PCDH15: variants seen among roughly 807,000 people sequenced by gnomAD.
The protein encoded by PCDH15 is protocadherin-15.
PCDH15 carries 129 observed loss-of-function variants against 178.5 expected under a neutral mutation model. The ratio of observed to expected loss-of-function variants is 0.72; its 90% CI spans 0.63 to 0.84. The LOEUF is 0.84. Ranked by LOEUF, PCDH15 falls within the 40% of genes least tolerant of loss-of-function variation. PCDH15 has a pLI of 0.00. For synonymous variants in PCDH15, 800 were observed against 732.0 expected (o/e 1.09, Z -1.50); for missense variants, 2,230 against 2,099.9 (o/e 1.06, Z -1.21).
At chr10:54,994,640 TCAGA>T (rs1839590103) in intron 2 of PCDH15, among the ~76,000 whole-genome samples, 1 of 152,170 alleles carries the variant, frequency 6.6e-6, no homozygotes, top group Non-Finnish European at 1.5e-5. Context: ...AGTATCTTTG[TCAGA>T]CAATGTTATT....
At chr10:55,520,447 C>G (rs937992180) in intron 2 of PCDH15, among the ~76,000 whole-genome samples, 7 of 146,388 alleles carry the variant, frequency 4.8e-5, no homozygotes, top group African/African-American at 1.7e-4. Context: ...GAAAATCAGA[C>G]TAGGAAGCAA....
chr10:55,547,910 T>TGTGTGTGTGTGAGA (rs541144266), intron 2 of PCDH15, among the ~76,000 whole-genome samples: 2 of 54,508 alleles, frequency 3.7e-5, no homozygotes, highest in East Asian at 5.5e-4. Context: ...TGTGTGTGTG[T>TGTGTGTGTGTGAGA]GAGAGAGAGA....
chr10:54,554,814 C>T (rs1431743318), intron 2 of PCDH15, among the ~76,000 whole-genome samples: 1 of 152,068 alleles, frequency 6.6e-6, no homozygotes, highest in Non-Finnish European at 1.5e-5. Flanking sequence ...AAACAGAACT[C>T]CAATTCCTAA....
chr10:54,908,996 T>TA (rs1172919706), intron 2 of PCDH15, among the ~76,000 whole-genome samples: 1 of 152,112 alleles, frequency 6.6e-6, no homozygotes, highest in Non-Finnish European at 1.5e-5. Flanking sequence ...TTCTCTCTGC[T>TA]AGGCAGGTCA....
intron 2 of PCDH15, among the ~76,000 whole-genome samples, chr10:55,367,624 CA>C (rs537716010): frequency 3.3e-5 from 5 of 151,262 alleles, no homozygotes; most frequent in Non-Finnish European, 4.4e-5. Context: ...CAAAAACAAA[CA>C]AAAAAAAGAG....
At chr10:53,953,434 A>G (rs940485085) in intron 23 of PCDH15, among the ~76,000 whole-genome samples, 5 of 152,192 alleles carry the variant, frequency 3.3e-5, no homozygotes, top group Admixed American at 1.3e-4. Flanking sequence ...AGTAATTCTT[A>G]TCTACTATAA....
Position 54,849,847 on chromosome 10 carries a change from T to A in PCDH15, c.-29+47603A>T, listed in dbSNP as rs150140335. Among the ~76,000 whole-genome samples the A allele has an allele frequency of 9.4e-3, 1,428 of 152,290 alleles. 9 individuals are homozygous for A. Among genetic ancestry groups the A allele is most frequent in the Middle Eastern group, 0.044 (13 of 294 alleles). ...TTGAATCTTTAATATTTATCAAATA[T>A]TTACAATGTGGTTGAACCGATTTGT... On this transcript the variant is annotated intron_variant, in intron 3 of 5. Transcript: ENST00000458638.
intron 1 of PCDH15, among the ~76,000 whole-genome samples, chr10:54,740,657 G>A (rs1004308790): frequency 1.3e-5 from 2 of 151,910 alleles, no homozygotes; most frequent in Non-Finnish European, 2.9e-5. Context: ...TTAAGAAAAT[G>A]TAGTATATAT....
At chr10:54,874,207 G>C (rs537030066) in intron 3 of PCDH15, among the ~76,000 whole-genome samples, 1 of 124,358 alleles carries the variant, frequency 8.0e-6, no homozygotes, top group African/African-American at 3.1e-5. Flanking sequence ...CCACCTATGA[G>C]TGAGAATATG....
rs1353985930 is a variant in PCDH15, at chr10:53,945,870, T to TGA, written c.3123-4896_3123-4895insTC. 5.4e-5 allele frequency among the ~76,000 whole-genome samples: 5 copies of TGA among 91,854 alleles called. No homozygotes were observed. In the South Asian group the frequency reaches 1.9e-3, roughly 36 times the overall value. The allele number at this position is 91,854 out of a possible 152,430, so 60.3% of individuals were successfully genotyped here. On this transcript the variant is annotated intron_variant, in intron 23 of 37. Coordinates refer to ENST00000644397, the MANE Select transcript of PCDH15 (RefSeq NM_001384140.1). ...ATATATATATATATATATATATATA[T>TGA]ATATATATATATCACATTTTCTTTA... is the stretch of plus-strand genomic sequence containing the variant.
intron 30 of PCDH15, among the ~76,000 whole-genome samples, chr10:53,830,061 T>C (rs2076928347): frequency 6.6e-6 from 1 of 152,130 alleles, no homozygotes; most frequent in African/African-American, 2.4e-5. Context: ...CCCAGCACTT[T>C]GGGAGGCTGA....
At chr10:54,842,408 C>T (rs866776486) in intron 3 of PCDH15, among the ~76,000 whole-genome samples, 2 of 151,726 alleles carry the variant, frequency 1.3e-5, no homozygotes, top group Non-Finnish European at 1.5e-5. Flanking sequence ...GTGACCTGCC[C>T]GTCTGCATCC....
chr10:55,494,373 C>A (rs925839245), intron 2 of PCDH15, among the ~76,000 whole-genome samples: 1 of 151,584 alleles, frequency 6.6e-6, no homozygotes, highest in African/African-American at 2.4e-5. Context: ...TAGAATGTGT[C>A]CCCTGTAAAC....
chr10:54,672,519 C>T (rs547891300), intron 1 of PCDH15, among the ~76,000 whole-genome samples: 3 of 152,152 alleles, frequency 2.0e-5, no homozygotes, highest in Admixed American at 6.5e-5. Context: ...AAGAAGCAAA[C>T]GTATTGTAAA....
At chr10:54,609,494 G>C (rs1228862147) in intron 2 of PCDH15, among the ~76,000 whole-genome samples, 2 of 151,954 alleles carry the variant, frequency 1.3e-5, no homozygotes, top group Non-Finnish European at 2.9e-5. Flanking sequence ...TTTATGTTTT[G>C]AGAATATCTC....
chr10:54,407,891 A>G (rs927231224), intron 3 of PCDH15, among the ~76,000 whole-genome samples: 9 of 151,922 alleles, frequency 5.9e-5, no homozygotes. Context: ...CCTCGTCTCT[A>G]CTAAAAATAT....
intron 2 of PCDH15, among the ~76,000 whole-genome samples, chr10:55,485,745 A>G (rs1343524217): frequency 6.6e-6 from 1 of 151,708 alleles, no homozygotes; most frequent in Non-Finnish European, 1.5e-5. Context: ...TCCTCAAAAA[A>G]TTAAATATAG....
intron 2 of PCDH15, among the ~76,000 whole-genome samples, chr10:55,165,685 G>A (rs1191383758): frequency 2.0e-5 from 3 of 151,820 alleles, no homozygotes; most frequent in African/African-American, 4.8e-5. Context: ...CTGGAGCCAG[G>A]AGCAAGAGAT....
chr10:53,901,026 A>G (rs953255418), intron 26 of PCDH15, among the ~76,000 whole-genome samples: 10 of 152,188 alleles, frequency 6.6e-5, no homozygotes, highest in East Asian at 3.9e-4. Context: ...TCTTTTATCA[A>G]TCTTGTTCTT....
Sources: allele counts gnomAD v4.1 joint callset (sites outside exome capture counted in the v4.1 genomes callset), GRCh38; gene constraint gnomAD v4.1.1; transcripts MANE v1.5; gene names NCBI Gene and HGNC (gene_info 2026-07-23, HGNC 2026-07-21).